The following SH3D19 variants were observed in gnomAD, a reference collection of about 807,000 sequenced individuals.
SH3D19 encodes SH3 domain-containing protein 19.
A neutral mutation model predicts 112.1 loss-of-function variants in SH3D19; 58 were observed. The observed-to-expected ratio is 0.52, with a 90% confidence interval of 0.42 to 0.64. The LOEUF is 0.64. Among genes scored for constraint, SH3D19 ranks in the 30% least tolerant of loss-of-function variants. The probability of loss-of-function intolerance (pLI) is 0.00; values close to 1 mark genes in which losing one functional copy is unlikely to be tolerated. For missense variants in SH3D19, 1,090 were observed against 1,263.4 expected (o/e 0.86, Z 2.08); for synonymous variants, 391 against 448.5 (o/e 0.87, Z 1.62).
chr4:151,126,007 C>A (rs914374544), intron 19 of SH3D19, among the ~76,000 whole-genome samples: 2 of 152,042 alleles, frequency 1.3e-5, no homozygotes. Flanking sequence ...AAGTTAGCAA[C>A]TTTATGGTGA....
At chr4:151,199,670 C>G (rs956001977) in intron 2 of SH3D19, among the ~76,000 whole-genome samples, 2 of 152,130 alleles carry the variant, frequency 1.3e-5, no homozygotes, top group Non-Finnish European at 2.9e-5. Context: ...TCTAGCCTCC[C>G]CTTGTGACCA....
chr4:151,162,342 G>C (rs112370376), intron 8 of SH3D19, among the ~76,000 whole-genome samples: 1 of 152,046 alleles, frequency 6.6e-6, no homozygotes, highest in Non-Finnish European at 1.5e-5. Context: ...CTTTTTTATG[G>C]CTGCAGCCCG....
Position 151,127,734 on chromosome 4 carries a change from T to A in SH3D19, c.2930-19A>T, listed in dbSNP as rs775155149. 12 of 1,467,726 alleles carry A rather than the reference T, an allele frequency of 8.2e-6. No homozygotes were observed. The highest frequency in any genetic ancestry group is 2.3e-5 in the Admixed American group (1 of 43,548). 90.9% of individuals were successfully genotyped at this position (1,467,726 alleles called of 1,614,324 possible). A position where few individuals can be genotyped will look rare whatever the true frequency, so the allele number is the denominator to read the frequency against. The stretch of plus-strand genomic sequence containing the variant: ...GCCTCAGCTGTGAAGACATAAAAAA[T>A]TTAAATATATAGAAACACAGTGGAC... On this transcript the variant is annotated intron_variant, in intron 18 of 19. Transcript: ENST00000604030.
intron 2 of SH3D19, among the ~76,000 whole-genome samples, chr4:151,190,125 G>A (rs1488828705): frequency 6.6e-5 from 10 of 152,144 alleles, no homozygotes; most frequent in African/African-American, 2.4e-4. Context: ...AGAGATTTGT[G>A]GAACTCTGAA....
At chr4:151,201,213 A>G (rs927103639) in intron 2 of SH3D19, among the ~76,000 whole-genome samples, 2 of 152,254 alleles carry the variant, frequency 1.3e-5, no homozygotes, top group Admixed American at 1.3e-4. Context: ...TTCTGGAAAC[A>G]GCAGGCTGAG....
intron 1 of SH3D19, among the ~76,000 whole-genome samples, chr4:151,316,224 CA>C (rs1356946536): frequency 6.6e-6 from 1 of 152,112 alleles, no homozygotes; most frequent in African/African-American, 2.4e-5. Flanking sequence ...CAAATCTCAA[CA>C]GGGGAACAAC....
At chr4:151,201,911 T>C (rs1020927565) in intron 2 of SH3D19, among the ~76,000 whole-genome samples, 1 of 146,620 alleles carries the variant, frequency 6.8e-6, no homozygotes, top group Non-Finnish European at 1.5e-5. Context: ...AATGGAGAGG[T>C]TGAGACAGGA....
intron 1 of SH3D19, chr4:151,291,001 G>T: frequency 2.9e-6 from 2 of 693,386 alleles, no homozygotes; most frequent in South Asian, 1.9e-5. Flanking sequence ...CCCCCTGCAG[G>T]GTTCCACAGC....
rs1263084223 is a variant in SH3D19, at chr4:151,214,664, G to A, written c.152+11383C>T. On this transcript the variant is annotated intron_variant, in intron 2 of 19. Coordinates refer to ENST00000604030, the MANE Select transcript of SH3D19 (RefSeq NM_001378122.1). Reference sequence around the variant, plus strand: ...CCCCCCCCACCTCCCTCCCGGAAGGGGCGGCTGGCCGGGCAGAGGGGCTCC... The same window carrying A: ...CCCCCCCCACCTCCCTCCCGGAAGGAGCGGCTGGCCGGGCAGAGGGGCTCC... 3.3e-4 allele frequency among the ~76,000 whole-genome samples: 38 copies of A among 114,006 alleles called. 2 individuals carry two copies. Among genetic ancestry groups the A allele is most frequent in the Non-Finnish European group, 7.0e-4 (33 of 47,420 alleles). 74.8% of individuals were successfully genotyped at this position (114,006 alleles called of 152,430 possible).
At chr4:151,307,223 C>T (rs1729009726) in intron 1 of SH3D19, among the ~76,000 whole-genome samples, 1 of 151,892 alleles carries the variant, frequency 6.6e-6, no homozygotes, top group Middle Eastern at 3.4e-3. Flanking sequence ...GGGGTTTCAC[C>T]GTTTTAGCCG....
chr4:151,191,019 C>G (rs935946336), intron 2 of SH3D19, among the ~76,000 whole-genome samples: 2 of 152,240 alleles, frequency 1.3e-5, no homozygotes, highest in African/African-American at 4.8e-5. Flanking sequence ...CCTCTTGCAT[C>G]AGCATGACCT....
rs768084103 is a variant in SH3D19, at chr4:151,279,928, T to A, written c.112+45313A>T. ...GGAGGTTCCCTCGTCAGTGAGAGGTTGATACTGACAGCAGCACACTGCATA... is the reference window on the plus strand; with the variant it reads ...GGAGGTTCCCTCGTCAGTGAGAGGTAGATACTGACAGCAGCACACTGCATA... On this transcript the variant is annotated intron_variant, in intron 1 of 19. Coordinates refer to ENST00000604030, the MANE Select transcript of SH3D19 (RefSeq NM_001378122.1). 16 of 1,613,444 alleles carry A rather than the reference T, an allele frequency of 9.9e-6. No homozygotes were observed. In the East Asian group the frequency reaches 3.6e-4, roughly 36 times the overall value.
chr4:151,307,752 C>T (rs1297950682), intron 1 of SH3D19, among the ~76,000 whole-genome samples: 2 of 152,208 alleles, frequency 1.3e-5, no homozygotes, highest in African/African-American at 2.4e-5. Flanking sequence ...AACAGGAAAA[C>T]GTGAAGTTTT....
intron 1 of SH3D19, chr4:151,291,100 C>G (rs770941698): frequency 1.3e-6 from 2 of 1,579,218 alleles, no homozygotes; most frequent in Admixed American, 1.7e-5. Context: ...TGCTCATTAC[C>G]TTTCATTTCT....
Position 151,176,837 on chromosome 4 carries a change from T to C in SH3D19, c.355A>G (p.Asn119Asp). 8.1e-7 allele frequency: 1 copy of C among 1,232,170 alleles called. No homozygotes were observed. The highest frequency in any genetic ancestry group is 1.0e-6 in the Non-Finnish European group (1 of 987,974). The allele number at this position is 1,232,170 out of a possible 1,614,324, so 76.3% of individuals were successfully genotyped here. A position where few individuals can be genotyped will look rare whatever the true frequency, so the allele number is the denominator to read the frequency against. The change falls in exon 5 of 20, where the codon AAT becomes GAT. Residue 119 changes from asparagine (N) to aspartate (D), a missense_variant. By Grantham distance (23) the Asn-to-Asp change is conservative (BLOSUM62 1). Transcript: ENST00000604030. Reference protein sequence around the residue: ...TSSAAGSWRPNELVPAELPPS... With the variant: ...TSSAAGSWRPDELVPAELPPS... ...TTCACCTCAGCAGGAACCAGCTCATTAGGCCTCCAAGAGCCTGCTGCAGAT... is the reference window on the plus strand; with the variant it reads ...TTCACCTCAGCAGGAACCAGCTCATCAGGCCTCCAAGAGCCTGCTGCAGAT...
chr4:151,149,576 G>A lies in SH3D19; in HGVS notation c.1756-15C>T. 1 of 1,609,944 alleles carries A rather than the reference G, an allele frequency of 6.2e-7. No homozygotes were observed. Among genetic ancestry groups the A allele is most frequent in the Non-Finnish European group, 8.5e-7 (1 of 1,177,802 alleles). ...TGGTTGGATTCCTGCAAGTAGCAGA[G>A]AATGCTTTTTAGTTAAGGTTAATCT... is the stretch of plus-strand genomic sequence containing the variant. On this transcript the variant is annotated splice_polypyrimidine_tract_variant and intron_variant, in intron 9 of 19. Transcript: ENST00000604030.
At chr4:151,252,693 C>T (rs1447895346) in intron 1 of SH3D19, among the ~76,000 whole-genome samples, 1 of 152,212 alleles carries the variant, frequency 6.6e-6, no homozygotes, top group Non-Finnish European at 1.5e-5. Flanking sequence ...CAACTGCCTA[C>T]TGGACATCTC....
Position 151,237,079 on chromosome 4 carries a change from T to A in SH3D19, c.113-10993A>T, listed in dbSNP as rs535289278. Among the ~76,000 whole-genome samples, 278 of 152,348 alleles carry A rather than the reference T, an allele frequency of 1.8e-3. 1 individual carries two copies. The highest frequency in any genetic ancestry group is 6.1e-3 in the African/African-American group (253 of 41,582). ...CTTGCTGCTGCTCACCCTTTGGGTC[T>A]GTGTTGCCTTTATGAGCTGTAACAT... is the stretch of plus-strand genomic sequence containing the variant. On this transcript the variant is annotated intron_variant, in intron 1 of 19. Coordinates refer to ENST00000604030, the MANE Select transcript of SH3D19 (RefSeq NM_001378122.1).
intron 2 of SH3D19, among the ~76,000 whole-genome samples, chr4:151,215,416 G>A (rs1766909856): frequency 1.3e-5 from 2 of 152,220 alleles, no homozygotes; most frequent in Non-Finnish European, 2.9e-5. Context: ...TTATCTTGAG[G>A]AAACAGGTTT....
Sources: allele counts gnomAD v4.1 joint callset (sites outside exome capture counted in the v4.1 genomes callset), GRCh38; gene constraint gnomAD v4.1.1; transcripts MANE v1.5; gene names NCBI Gene and HGNC (gene_info 2026-07-23, HGNC 2026-07-21).